KCNIP4: variants seen among roughly 807,000 people sequenced by gnomAD.
KCNIP4 encodes the protein potassium voltage-gated channel interacting protein 4.
KCNIP4 carries 12 observed loss-of-function variants against 34.0 expected under a neutral mutation model. That is an observed-to-expected ratio of 0.35 (90% confidence interval 0.23 to 0.57). The LOEUF is 0.57. Among genes scored for constraint, KCNIP4 ranks in the 20% least tolerant of loss-of-function variants. The probability of loss-of-function intolerance (pLI) is 0.83; values close to 1 mark genes in which losing one functional copy is unlikely to be tolerated. For synonymous variants in KCNIP4, 124 were observed against 102.2 expected, an observed-to-expected ratio of 1.21 and a Z score of -1.29; for missense variants, 238 against 311.7, an observed-to-expected ratio of 0.76 and a Z score of 1.78.
intron 1 of KCNIP4, among the ~76,000 whole-genome samples, chr4:20,906,124 C>T (rs1442060962): frequency 2.3e-5 from 3 of 130,212 alleles, no homozygotes; most frequent in African/African-American, 1.0e-4. Flanking sequence ...TTCTCTTCCT[C>T]TCTTTCTCTT....
At chr4:21,631,556 T>C (rs1745767884) in intron 1 of KCNIP4, among the ~76,000 whole-genome samples, 1 of 152,154 alleles carries the variant, frequency 6.6e-6, no homozygotes, top group African/African-American at 2.4e-5. Flanking sequence ...CTTCAAAAAA[T>C]GTATTTCTAT....
At chr4:21,315,543 G>A (rs1713651919) in intron 1 of KCNIP4, among the ~76,000 whole-genome samples, 2 of 152,064 alleles carry the variant, frequency 1.3e-5, no homozygotes, top group African/African-American at 4.8e-5. Context: ...ACTGTGGGGG[G>A]GCCAGTGCCC....
At chr4:21,755,135 T>C (rs927440713) in intron 1 of KCNIP4, among the ~76,000 whole-genome samples, 3 of 152,026 alleles carry the variant, frequency 2.0e-5, no homozygotes, top group Non-Finnish European at 4.4e-5. Flanking sequence ...CAAGACACCG[T>C]CTCAAAAAGA....
chr4:20,957,526 T>C (rs1209527009), intron 1 of KCNIP4, among the ~76,000 whole-genome samples: 1 of 152,130 alleles, frequency 6.6e-6, no homozygotes, highest in Non-Finnish European at 1.5e-5. Flanking sequence ...AGAGATATTA[T>C]TTCATTCCAG....
At chr4:21,360,619 C>A (rs1578127307) in intron 1 of KCNIP4, among the ~76,000 whole-genome samples, 2 of 151,906 alleles carry the variant, frequency 1.3e-5, no homozygotes, top group East Asian at 1.9e-4. Context: ...TAACAATGAA[C>A]CTTCTTCATG....
At chr4:21,863,260 ATT>A (rs34972685) in intron 1 of KCNIP4, among the ~76,000 whole-genome samples, 19 of 141,732 alleles carry the variant, frequency 1.3e-4, no homozygotes, top group African/African-American at 4.9e-4. Flanking sequence ...CACGGATTGA[ATT>A]TTTTTTTTTT....
chr4:21,388,982 T>C (rs1463431128), intron 1 of KCNIP4, among the ~76,000 whole-genome samples: 1 of 86,560 alleles, frequency 1.2e-5, no homozygotes, highest in Non-Finnish European at 2.9e-5. Flanking sequence ...ACATATATTG[T>C]CTTGTTTTTT....
At chr4:21,272,242 G>A (rs1236981334) in intron 1 of KCNIP4, among the ~76,000 whole-genome samples, 1 of 152,160 alleles carries the variant, frequency 6.6e-6, no homozygotes, top group Non-Finnish European at 1.5e-5. Flanking sequence ...TTGTTGGGAA[G>A]TGTAAATGAA....
intron 1 of KCNIP4, among the ~76,000 whole-genome samples, chr4:21,060,353 C>T (rs1743804771): frequency 6.6e-6 from 1 of 151,454 alleles, no homozygotes; most frequent in Non-Finnish European, 1.5e-5. Flanking sequence ...TTGCGGTTAA[C>T]CCAGAATTTT....
At chr4:21,248,954 C>A (rs1417037985) in intron 1 of KCNIP4, among the ~76,000 whole-genome samples, 1 of 152,116 alleles carries the variant, frequency 6.6e-6, no homozygotes, top group Non-Finnish European at 1.5e-5. Flanking sequence ...ATGAGGCCAA[C>A]CCAAGTGGTC....
At chr4:21,437,180 A>C (rs1483581408) in intron 1 of KCNIP4, among the ~76,000 whole-genome samples, 1 of 152,166 alleles carries the variant, frequency 6.6e-6, no homozygotes, top group African/African-American at 2.4e-5. Flanking sequence ...GTGGCAAAAA[A>C]AGCAGAAGGT....
chr4:21,150,760 G>C (rs1217308915), intron 1 of KCNIP4, among the ~76,000 whole-genome samples: 1 of 152,172 alleles, frequency 6.6e-6, no homozygotes, highest in African/African-American at 2.4e-5. Flanking sequence ...TGCCCTGGCA[G>C]AAAAATGGAC....
rs765696161 is a variant in KCNIP4 at position 21,333,075 on chromosome 4, C to T, written c.62-450366G>A. Among the ~76,000 whole-genome samples, 54 of 151,984 alleles carry T rather than the reference C, an allele frequency of 3.6e-4. 1 individual carries two copies. Among genetic ancestry groups the T allele is most frequent in the Non-Finnish European group, 4.4e-4 (30 of 67,928 alleles). On this transcript the variant is annotated intron_variant, in intron 1 of 8. Transcript: ENST00000382152. ...TATTGGTTCTTTCTTAGCATTTGGACCTCTGTTCATATTATCTGGTCATGC... is the reference window on the plus strand; with the variant it reads ...TATTGGTTCTTTCTTAGCATTTGGATCTCTGTTCATATTATCTGGTCATGC...
At chr4:21,186,276 T>A (rs114989236) in intron 1 of KCNIP4, among the ~76,000 whole-genome samples, 1 of 152,310 alleles carries the variant, frequency 6.6e-6, no homozygotes, top group African/African-American at 2.4e-5. Context: ...AAGAAGTATG[T>A]ACTTTTCAAA....
At chr4:21,599,311 A>G (rs1742908177) in intron 1 of KCNIP4, among the ~76,000 whole-genome samples, 1 of 152,102 alleles carries the variant, frequency 6.6e-6, no homozygotes, top group African/African-American at 2.4e-5. Context: ...GGGAATCAAT[A>G]ACCAAGAGTG....
At chr4:20,776,487 T>A (rs1395009761) in intron 3 of KCNIP4, among the ~76,000 whole-genome samples, 2 of 152,166 alleles carry the variant, frequency 1.3e-5, no homozygotes, top group African/African-American at 4.8e-5. Flanking sequence ...TAGACCAACA[T>A]ACTGAGGAAG....
intron 1 of KCNIP4, among the ~76,000 whole-genome samples, chr4:20,891,112 A>G (rs1474619508): frequency 6.6e-6 from 1 of 152,214 alleles, no homozygotes; most frequent in Non-Finnish European, 1.5e-5. Flanking sequence ...GCAGATAGCA[A>G]AAACTTCTAT....
intron 1 of KCNIP4, among the ~76,000 whole-genome samples, chr4:21,285,081 G>C (rs1201151050): frequency 6.6e-6 from 1 of 152,072 alleles, no homozygotes; most frequent in Non-Finnish European, 1.5e-5. Context: ...TTATGGCTTA[G>C]GTTGATCCAT....
At position 21,790,969 on chromosome 4, in the gene KCNIP4, C is replaced by CAAAAAAAAAA. The variant is rs10560597; in HGVS notation, c.61+157592_61+157601dup. On this transcript the variant is annotated intron_variant, in intron 1 of 8. Coordinates refer to ENST00000382152, the MANE Select transcript of KCNIP4 (RefSeq NM_025221.6). ...CTCCTTTATTTGCCTGCGCACTCCA[C>CAAAAAAAAAA]AAAAAAAAAAAAAAAAAAAAAAAAA... Among the ~76,000 whole-genome samples the CAAAAAAAAAA allele has an allele frequency of 4.3e-3, 383 of 89,662 alleles. 17 individuals carry two copies. Among genetic ancestry groups the CAAAAAAAAAA allele is most frequent in the Non-Finnish European group, 6.4e-3 (290 of 45,366 alleles). 58.8% of individuals were successfully genotyped at this position (89,662 alleles called of 152,430 possible). A position where few individuals can be genotyped will look rare whatever the true frequency, so the allele number is the denominator to read the frequency against.
Sources: gnomAD v4.1 joint callset for allele counts (sites outside exome capture counted in the v4.1 genomes callset) on GRCh38, gnomAD v4.1.1 for gene constraint, MANE v1.5 for transcripts, NCBI Gene and HGNC (gene_info 2026-07-23, HGNC 2026-07-21) for gene names.